Variants in SRGAP1 observed in about 807,000 individuals in gnomAD.
SRGAP1 encodes SLIT-ROBO Rho GTPase-activating protein 1.
Under a neutral mutation model 121.9 loss-of-function variants are expected in SRGAP1, and 43 were observed. The observed-to-expected ratio is 0.35, with a 90% CI of 0.28 to 0.46. SRGAP1 has a LOEUF of 0.46. SRGAP1 is among the 20% of genes least tolerant of loss of function. The pLI is 1.00. For synonymous variants in SRGAP1, 447 were observed against 485.4 expected (o/e 0.92, Z 1.04); for missense variants, 1,102 against 1,350.9 (o/e 0.82, Z 2.89).
chr12:63,931,382 AT>A (rs751361179), intron 1 of SRGAP1, among the ~76,000 whole-genome samples: 47 of 152,206 alleles, frequency 3.1e-4, no homozygotes, highest in Non-Finnish European at 5.0e-4. Context: ...AATTGAAATC[AT>A]TTCACTGGAA....
intron 6 of SRGAP1, among the ~76,000 whole-genome samples, chr12:64,056,257 C>T (rs1362408177): frequency 6.6e-6 from 1 of 152,130 alleles, no homozygotes; most frequent in Non-Finnish European, 1.5e-5. Context: ...TCTTTGACTG[C>T]ACTATTGCAA....
At chr12:63,878,622 T>C (rs1900099072) in intron 1 of SRGAP1, among the ~76,000 whole-genome samples, 1 of 152,236 alleles carries the variant, frequency 6.6e-6, no homozygotes, top group African/African-American at 2.4e-5. Flanking sequence ...TGACTACATC[T>C]CTAGAACACG....
intron 1 of SRGAP1, among the ~76,000 whole-genome samples, chr12:63,878,185 T>A (rs1337084722): frequency 2.0e-5 from 3 of 152,234 alleles, no homozygotes; most frequent in Non-Finnish European, 2.9e-5. Context: ...TTATCTGTAC[T>A]GCTGCCTGCT....
Position 64,128,139 on chromosome 12 carries a change from C to T in SRGAP1, c.2819C>T (p.Ser940Leu), listed in dbSNP as rs1359732202. 1.9e-6 allele frequency: 3 copies of T among 1,614,022 alleles called. No homozygotes were observed. Among genetic ancestry groups the T allele is most frequent in the Non-Finnish European group, 2.5e-6 (3 of 1,180,040 alleles). The change falls in exon 21 of 22, where the codon TCA becomes TTA. Residue 940 changes from serine to leucine, a missense_variant. Around this residue, in one of 3 missense-constraint regions of SRGAP1, gnomAD observed 315 missense variants for 343.1 expected, o/e 0.92. Transcript: ENST00000355086. ...IDSPPIRRSTSSGQYTGFNDH... is the reference protein window; with the variant it reads ...IDSPPIRRSTLSGQYTGFNDH... ...AGCCCTCCCATTAGAAGGTCCACGT[C>T]ATCAGGGCAATACACGGGCTTCAAT...
At chr12:63,887,321 T>G (rs1486324835) in intron 1 of SRGAP1, 1 of 152,314 alleles carries the variant, frequency 6.6e-6, no homozygotes, top group Non-Finnish European at 1.5e-5. Context: ...GGAAGCCACC[T>G]CATGGCAGGG....
At chr12:63,923,560 T>G (rs963472502) in intron 1 of SRGAP1, among the ~76,000 whole-genome samples, 1 of 152,200 alleles carries the variant, frequency 6.6e-6, no homozygotes, top group African/African-American at 2.4e-5. Context: ...ACTTATTCTG[T>G]CTCTCTAATC....
intron 19 of SRGAP1, among the ~76,000 whole-genome samples, chr12:64,127,116 A>G (rs1017627695): frequency 5.9e-5 from 9 of 152,336 alleles, no homozygotes; most frequent in African/African-American, 1.9e-4. Context: ...TAGGTGTGCA[A>G]TAGGCTCTAC....
intron 1 of SRGAP1, among the ~76,000 whole-genome samples, chr12:63,858,811 T>C (rs564359644): frequency 3.3e-5 from 5 of 152,202 alleles, no homozygotes; most frequent in Non-Finnish European, 7.3e-5. Context: ...CAAGCGATTC[T>C]CCTGCCTCAA....
rs764642870 is a variant in SRGAP1 at position 64,128,064 on chromosome 12, A to C, written c.2744A>C (p.His915Pro). 8 of 1,614,166 alleles carry C rather than the reference A, an allele frequency of 5.0e-6. No individual in the cohort carries two copies. The highest frequency in any genetic ancestry group is 6.8e-6 in the Non-Finnish European group (8 of 1,180,020). Residue 915 changes from histidine (H) to proline (P), a missense_variant, in exon 21 of 22, where the codon CAT becomes CCT. Physicochemically the swap from His to Pro is moderately conservative, Grantham distance 77. This residue lies in a region of SRGAP1 where 315 missense variants were observed against 343.1 expected (regional missense o/e 0.92). Coordinates refer to ENST00000355086, the MANE Select transcript of SRGAP1 (RefSeq NM_020762.4). ...CCTGAGCGGAGGCGCAGGCCTGGCC[A>C]TGGCAGCCTGACCAACATCAGCCGG... ...DSPERRRRPGHGSLTNISRHD... is the reference protein window; with the variant it reads ...DSPERRRRPGPGSLTNISRHD...
At chr12:64,102,337 C>A (rs1487154929) in intron 15 of SRGAP1, among the ~76,000 whole-genome samples, 1 of 152,106 alleles carries the variant, frequency 6.6e-6, no homozygotes, top group East Asian at 1.9e-4. Context: ...ATAGTGATAA[C>A]GTTTTTAGTA....
intron 1 of SRGAP1, among the ~76,000 whole-genome samples, chr12:63,863,327 C>T (rs1373890243): frequency 6.8e-6 from 1 of 147,836 alleles, no homozygotes; most frequent in Non-Finnish European, 1.5e-5. Context: ...GGCTGGAGTG[C>T]AGTGGCATGA....
At chr12:64,115,698 T>G in intron 17 of SRGAP1, 116 bp from the exon 18 acceptor site, 4 of 658,892 alleles carry the variant, frequency 6.1e-6, no homozygotes, top group East Asian at 3.3e-5. Context: ...GAGGCAGAGG[T>G]TTCAGTGAGC....
At chr12:64,026,700 C>CTACAAAAA (rs1381236274) in intron 4 of SRGAP1, among the ~76,000 whole-genome samples, 1 of 151,434 alleles carries the variant, frequency 6.6e-6, no homozygotes, top group Non-Finnish European at 1.5e-5. Context: ...AACCCCATCT[C>CTACAAAAA]TACAAAAATA....
chr12:63,874,295 C>T lies in SRGAP1; in HGVS notation c.67+29412C>T, dbSNP rs551905656. ...CTCGGCTCGCTGCAAGCTCCGCCTC[C>T]TGGGTTCACACCATTCTCCTGCGTC... is the stretch of plus-strand genomic sequence containing the variant. On this transcript the variant is annotated intron_variant, in intron 1 of 21. Coordinates refer to ENST00000355086, the MANE Select transcript of SRGAP1 (RefSeq NM_020762.4). Among the ~76,000 whole-genome samples the T allele has an allele frequency of 2.6e-5, 4 of 152,188 alleles. No homozygotes were observed. In the South Asian group the frequency reaches 8.3e-4, roughly 32 times the overall value.
intron 4 of SRGAP1, 36 bp from the exon 5 acceptor site, chr12:64,042,754 A>C (rs1250349045): frequency 6.4e-7 from 1 of 1,557,110 alleles, no homozygotes; most frequent in South Asian, 1.1e-5. Context: ...AATGACAGAC[A>C]GACATCTTGT....
chr12:63,938,457 G>C (rs1269460402), intron 1 of SRGAP1, among the ~76,000 whole-genome samples: 4 of 152,116 alleles, frequency 2.6e-5, no homozygotes, highest in Non-Finnish European at 5.9e-5. Context: ...GGTTGCTTGT[G>C]TCCTGAAGTT....
chr12:63,929,319 T>TA, intron 1 of SRGAP1, among the ~76,000 whole-genome samples: 1 of 152,368 alleles, frequency 6.6e-6, no homozygotes, highest in South Asian at 2.1e-4. Context: ...TAAATGAAGT[T>TA]AGTATCTACC....
At chr12:64,078,838 C>G in intron 8 of SRGAP1, 81 bp from the exon 9 acceptor site, 1 of 1,466,690 alleles carries the variant, frequency 6.8e-7, no homozygotes, top group Non-Finnish European at 9.3e-7. Context: ...GTCCTCATCT[C>G]TACCTGACAG....
At chr12:64,058,510 A>G (rs1018431260) in intron 6 of SRGAP1, among the ~76,000 whole-genome samples, 2 of 152,162 alleles carry the variant, frequency 1.3e-5, no homozygotes, top group African/African-American at 2.4e-5. Flanking sequence ...CAGATATTTT[A>G]AAAATATACA....
Sources: allele counts gnomAD v4.1 joint callset (sites outside exome capture counted in the v4.1 genomes callset), GRCh38; gene constraint gnomAD v4.1.1; regional missense constraint gnomAD v4.1.1; transcripts MANE v1.5; gene names NCBI Gene and HGNC (gene_info 2026-07-23, HGNC 2026-07-21).